The following B3GALT1 variants were observed in gnomAD, a reference collection of about 807,000 sequenced individuals.
B3GALT1 encodes beta-1,3-galactosyltransferase 1.
Under a neutral mutation model 23.2 loss-of-function variants are expected in B3GALT1, and 10 were observed. The observed-to-expected ratio is 0.43, with a 90% CI of 0.27 to 0.73. B3GALT1 has a LOEUF of 0.73. Among genes scored for constraint, B3GALT1 ranks in the 30% least tolerant of loss-of-function variants. The pLI, the probability that B3GALT1 is intolerant of heterozygous loss-of-function variation, is 0.21. For missense variants in B3GALT1, 299 were observed against 405.4 expected, an observed-to-expected ratio of 0.74 and a Z score of 2.25; for synonymous variants, 156 against 141.5, an observed-to-expected ratio of 1.10 and a Z score of -0.73.
intron 2 of B3GALT1, among the ~76,000 whole-genome samples, chr2:167,598,011 A>G (rs527781770): frequency 6.6e-6 from 1 of 152,330 alleles, no homozygotes; most frequent in African/African-American, 2.4e-5. Context: ...TCATTTCACC[A>G]TGTACTTACC....
intron 4 of B3GALT1, among the ~76,000 whole-genome samples, chr2:167,859,891 G>T (rs1263994653): frequency 6.6e-6 from 1 of 152,174 alleles, no homozygotes; most frequent in East Asian, 1.9e-4. Flanking sequence ...AGCCAAGGAG[G>T]CTGACTTAAA....
At chr2:167,380,363 C>G (rs1697830998) in intron 1 of B3GALT1, among the ~76,000 whole-genome samples, 1 of 152,156 alleles carries the variant, frequency 6.6e-6, no homozygotes, top group African/African-American at 2.4e-5. Context: ...CAAGCTGGCC[C>G]TCACTAAAAG....
At chr2:167,368,000 A>G (rs945324025) in intron 1 of B3GALT1, among the ~76,000 whole-genome samples, 1 of 152,204 alleles carries the variant, frequency 6.6e-6, no homozygotes, top group Admixed American at 6.5e-5. Flanking sequence ...AGTTGGCACT[A>G]AACTGTAGCA....
Position 167,593,332 on chromosome 2 carries a change from A to C in B3GALT1, c.-409-53577A>C, listed in dbSNP as rs568107602. On this transcript the variant is annotated intron_variant, in intron 2 of 4. Coordinates refer to ENST00000392690, the MANE Select transcript of B3GALT1 (RefSeq NM_020981.4). Reference sequence around the variant, plus strand: ...TAGATCCCAAGATATTATTGACTGAAAAATGCAAGCTGCAGTAATACATGT... The same window carrying C: ...TAGATCCCAAGATATTATTGACTGACAAATGCAAGCTGCAGTAATACATGT... Among the ~76,000 whole-genome samples the C allele has an allele frequency of 2.0e-5, 3 of 152,336 alleles. No individual in the cohort carries two copies. The East Asian group carries it at 5.8e-4, about 29-fold the overall frequency.
intron 2 of B3GALT1, among the ~76,000 whole-genome samples, chr2:167,539,634 A>G (rs1456947444): frequency 1.3e-5 from 2 of 152,278 alleles, no homozygotes; most frequent in African/African-American, 4.8e-5. Flanking sequence ...ATTGAATTAT[A>G]GTAAAATCAC....
chr2:167,293,952 G>T (rs1338642767), intron 1 of B3GALT1, among the ~76,000 whole-genome samples: 2 of 134,542 alleles, frequency 1.5e-5, no homozygotes, highest in African/African-American at 5.3e-5. Context: ...GGGTGGGGGT[G>T]GAGGTTACTC....
chr2:167,387,343 TAAGTA>T (rs1180037849), intron 1 of B3GALT1, among the ~76,000 whole-genome samples: 2 of 152,214 alleles, frequency 1.3e-5, no homozygotes, highest in African/African-American at 4.8e-5. Flanking sequence ...TTACATTAAT[TAAGTA>T]GAGTCATATA....
At chr2:167,730,793 ATTTTC>A (rs1687398621) in intron 3 of B3GALT1, among the ~76,000 whole-genome samples, 1 of 152,160 alleles carries the variant, frequency 6.6e-6, no homozygotes, top group African/African-American at 2.4e-5. Flanking sequence ...GGTCAGAAAT[ATTTTC>A]TTATGTCTCT....
At chr2:167,731,159 C>T (rs566954316) in intron 3 of B3GALT1, among the ~76,000 whole-genome samples, 1 of 152,294 alleles carries the variant, frequency 6.6e-6, no homozygotes, top group East Asian at 1.9e-4. Flanking sequence ...TTCAGCTGCA[C>T]ACTGACTAGC....
intron 2 of B3GALT1, among the ~76,000 whole-genome samples, chr2:167,507,390 C>T (rs1451345822): frequency 1.3e-5 from 2 of 150,828 alleles, no homozygotes; most frequent in South Asian, 4.2e-4. Flanking sequence ...ACCTGTAATC[C>T]CAGCTACTCA....
chr2:167,414,954 A>AAGTG (rs534605652), intron 1 of B3GALT1, among the ~76,000 whole-genome samples: 61 of 152,336 alleles, frequency 4.0e-4, no homozygotes, highest in African/African-American at 1.3e-3. Context: ...AATGCTTTTC[A>AAGTG]AGTGAGAAGG....
rs532693335 is a variant in B3GALT1, at chr2:167,678,885, C to T, written c.-352+31919C>T. 3.3e-5 allele frequency among the ~76,000 whole-genome samples: 5 copies of T among 152,232 alleles called. No individual in the cohort carries two copies. The East Asian group carries it at 9.6e-4, about 29-fold the overall frequency. ...GTTTGCTTCATGTAATGTATATTTT[C>T]ATGTCATGATATTCAAGTGGCTTTT... is the stretch of plus-strand genomic sequence containing the variant. On this transcript the variant is annotated intron_variant, in intron 3 of 4. Coordinates refer to ENST00000392690, the MANE Select transcript of B3GALT1 (RefSeq NM_020981.4).
At chr2:167,352,121 G>A (rs1045391088) in intron 1 of B3GALT1, among the ~76,000 whole-genome samples, 1 of 149,482 alleles carries the variant, frequency 6.7e-6, no homozygotes, top group Non-Finnish European at 1.5e-5. Flanking sequence ...CACCATACCC[G>A]GCTAATTTTT....
chr2:167,673,311 G>T (rs1360418950), intron 3 of B3GALT1, among the ~76,000 whole-genome samples: 2 of 152,060 alleles, frequency 1.3e-5, no homozygotes, highest in Admixed American at 6.6e-5. Flanking sequence ...ACTTGTTAAT[G>T]TGCAGAATAA....
chr2:167,404,620 T>A (rs1574065825), intron 1 of B3GALT1, among the ~76,000 whole-genome samples: 1 of 152,178 alleles, frequency 6.6e-6, no homozygotes, highest in East Asian at 1.9e-4. Flanking sequence ...CACTATAATG[T>A]AAGTCCTCTT....
chr2:167,637,527 A>G (rs562942790), intron 2 of B3GALT1, among the ~76,000 whole-genome samples: 1 of 152,088 alleles, frequency 6.6e-6, no homozygotes, highest in East Asian at 1.9e-4. Flanking sequence ...CCTCTTTTCT[A>G]GCTATTTTGA....
intron 1 of B3GALT1, among the ~76,000 whole-genome samples, chr2:167,381,922 C>T (rs1697852067): frequency 3.3e-5 from 5 of 152,138 alleles, no homozygotes; most frequent in Admixed American, 1.3e-4. Flanking sequence ...ATGTAGACAG[C>T]GAGATCCTTT....
intron 2 of B3GALT1, among the ~76,000 whole-genome samples, chr2:167,597,436 C>T (rs777671559): frequency 2.6e-5 from 4 of 152,108 alleles, no homozygotes; most frequent in Non-Finnish European, 5.9e-5. Context: ...TTGAATGGGC[C>T]ATTTGGTATC....
intron 3 of B3GALT1, among the ~76,000 whole-genome samples, chr2:167,659,544 G>A (rs540543985): frequency 4.6e-5 from 7 of 152,070 alleles, no homozygotes; most frequent in South Asian, 2.1e-4. Flanking sequence ...GAGTCAGGAG[G>A]CAAAAATGTA....
Sources: allele counts gnomAD v4.1 joint callset (sites outside exome capture counted in the v4.1 genomes callset), GRCh38; gene constraint gnomAD v4.1.1; transcripts MANE v1.5; gene names NCBI Gene and HGNC (gene_info 2026-07-23, HGNC 2026-07-21).